Variants in NSMCE2 observed in about 807,000 individuals in gnomAD.
The protein encoded by NSMCE2 is E3 SUMO-protein ligase NSE2.
NSMCE2 carries 24 observed loss-of-function variants against 23.8 expected under a neutral mutation model. The observed-to-expected ratio is 1.01, with a 90% CI of 0.73 to 1.42. The LOEUF is 1.42. Ranked by LOEUF, NSMCE2 falls within the 40% of genes most tolerant of loss-of-function variation. The pLI, the probability that NSMCE2 is intolerant of heterozygous loss-of-function variation, is 0.00. For synonymous variants in NSMCE2, 92 were observed against 94.1 expected (o/e 0.98, Z 0.13); for missense variants, 284 against 296.5 (o/e 0.96, Z 0.31).
chr8:125,243,939 TC>T (rs1825858482), intron 5 of NSMCE2, among the ~76,000 whole-genome samples: 1 of 151,648 alleles, frequency 6.6e-6, no homozygotes, highest in African/African-American at 2.4e-5. Context: ...TCTGTATAAA[TC>T]CCCCAAAAAG....
At chr8:125,147,786 T>C (rs746349612) in intron 3 of NSMCE2, among the ~76,000 whole-genome samples, 1 of 152,076 alleles carries the variant, frequency 6.6e-6, no homozygotes, top group Admixed American at 6.6e-5. Context: ...TGTTTATCCC[T>C]TTTTCCCCCT....
At chr8:125,286,609 G>A (rs571335107) in intron 5 of NSMCE2, among the ~76,000 whole-genome samples, 19 of 152,030 alleles carry the variant, frequency 1.2e-4, no homozygotes, top group African/African-American at 3.9e-4. Flanking sequence ...CACTGCGCCC[G>A]GCCCAAATAA....
At chr8:125,254,350 A>C (rs373683399) in intron 5 of NSMCE2, among the ~76,000 whole-genome samples, 1 of 152,194 alleles carries the variant, frequency 6.6e-6, no homozygotes, top group Admixed American at 6.5e-5. Flanking sequence ...GCGTCATCAA[A>C]TAGTTGAATT....
chr8:125,218,414 G>GTTTT (rs34237629), intron 5 of NSMCE2, among the ~76,000 whole-genome samples: 23 of 141,610 alleles, frequency 1.6e-4, no homozygotes, highest in African/African-American at 4.2e-4. Context: ...AAAATTGAGG[G>GTTTT]TTTTTTTTTT....
At chr8:125,234,992 A>C (rs1435868128) in intron 5 of NSMCE2, among the ~76,000 whole-genome samples, 1 of 152,050 alleles carries the variant, frequency 6.6e-6, no homozygotes, top group African/African-American at 2.4e-5. Flanking sequence ...GGCTCAAGCA[A>C]CCTAGCACTT....
intron 5 of NSMCE2, among the ~76,000 whole-genome samples, chr8:125,292,039 C>T (rs1828129251): frequency 6.6e-6 from 1 of 152,070 alleles, no homozygotes; most frequent in African/African-American, 2.4e-5. Flanking sequence ...AGGACTACAC[C>T]AGGAAGTGCA....
intron 5 of NSMCE2, among the ~76,000 whole-genome samples, chr8:125,272,987 A>G (rs180923054): frequency 4.6e-5 from 7 of 152,246 alleles, no homozygotes; most frequent in Admixed American, 4.6e-4. Flanking sequence ...GACACGGGGC[A>G]GGATCCTGAT....
At chr8:125,265,955 G>A (rs528595255) in intron 5 of NSMCE2, among the ~76,000 whole-genome samples, 2 of 152,136 alleles carry the variant, frequency 1.3e-5, no homozygotes, top group South Asian at 4.1e-4. Context: ...TGATTTGTAA[G>A]CATTTCTGGA....
intron 3 of NSMCE2, among the ~76,000 whole-genome samples, chr8:125,104,994 G>C (rs7015295): frequency 0.098 from 14,878 of 152,254 alleles, 943 homozygotes; most frequent in African/African-American, 0.17. Flanking sequence ...CTGTACTCCA[G>C]CCTGGGGAAG....
At chr8:125,120,539 A>C (rs1385341453) in intron 3 of NSMCE2, among the ~76,000 whole-genome samples, 1 of 152,194 alleles carries the variant, frequency 6.6e-6, no homozygotes, top group East Asian at 1.9e-4. Flanking sequence ...CAGTACTTTC[A>C]TATTTTGTGG....
intron 5 of NSMCE2, among the ~76,000 whole-genome samples, chr8:125,256,721 C>A (rs574808685): frequency 1.3e-5 from 2 of 151,496 alleles, no homozygotes; most frequent in Non-Finnish European, 2.9e-5. Flanking sequence ...GTCAGGAGAT[C>A]GGGACCATCC....
At chr8:125,150,277 C>T (rs904216854) in intron 3 of NSMCE2, among the ~76,000 whole-genome samples, 2 of 152,092 alleles carry the variant, frequency 1.3e-5, no homozygotes, top group Non-Finnish European at 2.9e-5. Flanking sequence ...CTTTGGCATT[C>T]TGTTGCCCCA....
chr8:125,176,742 A>G (rs1037882840), intron 4 of NSMCE2, among the ~76,000 whole-genome samples: 5 of 152,184 alleles, frequency 3.3e-5, no homozygotes, highest in Admixed American at 2.6e-4. Flanking sequence ...TGTCTTAAAA[A>G]CCAGAAAAAT....
chr8:125,324,421 G>A (rs1277390353), intron 5 of NSMCE2, among the ~76,000 whole-genome samples: 4 of 131,046 alleles, frequency 3.1e-5, no homozygotes, highest in Non-Finnish European at 4.6e-5. Context: ...TCCCGTAACT[G>A]ATAAATGAAT....
chr8:125,303,756 CTG>C (rs1828653142), intron 5 of NSMCE2, among the ~76,000 whole-genome samples: 1 of 152,180 alleles, frequency 6.6e-6, no homozygotes. Context: ...CAGTCCCACA[CTG>C]TGCAGAAGAT....
In NSMCE2 at chr8:125,174,671, A is replaced by G. The variant is rs180868523; in HGVS notation, c.265-7432A>G. On this transcript the variant is annotated intron_variant, in intron 4 of 7. Transcript: ENST00000287437. ...TTCTTACCCATGTTTAAGCTTATTC[A>G]TTTTCACAATTTTTCCGAAAGGCTC... 9.9e-4 allele frequency among the ~76,000 whole-genome samples: 150 copies of G among 152,268 alleles called. 1 individual carries two copies. Among genetic ancestry groups the G allele is most frequent in the Non-Finnish European group, 1.9e-3 (126 of 68,024 alleles).
chr8:125,159,458 A>T (rs920030308), intron 4 of NSMCE2, among the ~76,000 whole-genome samples: 2 of 152,198 alleles, frequency 1.3e-5, no homozygotes, highest in East Asian at 3.8e-4. Context: ...GTATAGTAAC[A>T]TGCTGTACAG....
chr8:125,280,255 T>C (rs1293814695), intron 5 of NSMCE2, among the ~76,000 whole-genome samples: 1 of 152,256 alleles, frequency 6.6e-6, no homozygotes, highest in East Asian at 1.9e-4. Context: ...TGGTTCATTG[T>C]AAACTTAGTC....
At chr8:125,237,286 T>C (rs1825595998) in intron 5 of NSMCE2, among the ~76,000 whole-genome samples, 1 of 151,976 alleles carries the variant, frequency 6.6e-6, no homozygotes, top group African/African-American at 2.4e-5. Context: ...GGGAGTAAGG[T>C]TTTTACTATA....
Sources: gnomAD v4.1 joint callset for allele counts (sites outside exome capture counted in the v4.1 genomes callset) on GRCh38, gnomAD v4.1.1 for gene constraint, MANE v1.5 for transcripts, NCBI Gene and HGNC (gene_info 2026-07-23, HGNC 2026-07-21) for gene names.